The following ADARB2 variants were observed in gnomAD, a reference collection of about 807,000 sequenced individuals.
ADARB2 encodes the protein adenosine deaminase RNA specific B2 (inactive).
ADARB2 carries 25 observed loss-of-function variants against 62.2 expected under a neutral mutation model. The observed-to-expected ratio is 0.40, with a 90% confidence interval of 0.29 to 0.56. The LOEUF is 0.56. Ranked by LOEUF, ADARB2 falls within the 20% of genes least tolerant of loss-of-function variation. The pLI, the probability that ADARB2 is intolerant of heterozygous loss-of-function variation, is 0.43. For synonymous variants in ADARB2, 572 were observed against 500.8 expected (o/e 1.14, Z -1.90); for missense variants, 1,071 against 1,077.4 (o/e 0.99, Z 0.08).
intron 1 of ADARB2, among the ~76,000 whole-genome samples, chr10:1,407,459 C>T (rs984963596): frequency 3.3e-5 from 5 of 152,242 alleles, no homozygotes; most frequent in African/African-American, 1.2e-4. Context: ...GCCTTTTTCT[C>T]TGCAGGGCTA....
intron 1 of ADARB2, among the ~76,000 whole-genome samples, chr10:1,736,225 C>T (rs1426424284): frequency 6.6e-6 from 1 of 152,192 alleles, no homozygotes; most frequent in Admixed American, 6.5e-5. Context: ...CTGGCATGCA[C>T]ACAGGCTACG....
intron 1 of ADARB2, among the ~76,000 whole-genome samples, chr10:1,498,550 A>T (rs1294714398): frequency 6.6e-6 from 1 of 152,162 alleles, no homozygotes; most frequent in African/African-American, 2.4e-5. Flanking sequence ...ACAAAAAAAA[A>T]TTACTGTTTA....
chr10:1,671,289 A>G (rs923683130), intron 1 of ADARB2, among the ~76,000 whole-genome samples: 8 of 152,136 alleles, frequency 5.3e-5, no homozygotes, highest in African/African-American at 1.9e-4. Context: ...AGAACTTTCT[A>G]TTCATTACAT....
intron 1 of ADARB2, among the ~76,000 whole-genome samples, chr10:1,478,290 AG>A (rs959038596): frequency 6.6e-6 from 1 of 152,102 alleles, no homozygotes; most frequent in African/African-American, 2.4e-5. Flanking sequence ...CGGACATCAG[AG>A]GGGGTGGGTC....
chr10:1,293,202 A>AGGGAGGGAG (rs1564248767), intron 3 of ADARB2, among the ~76,000 whole-genome samples: 1 of 41,378 alleles, frequency 2.4e-5, no homozygotes, highest in African/African-American at 1.1e-4. Flanking sequence ...GAATAGAAAA[A>AGGGAGGGAG]AGAGGGAGGG....
intron 1 of ADARB2, among the ~76,000 whole-genome samples, chr10:1,636,231 A>G (rs1184222894): frequency 1.3e-5 from 2 of 152,208 alleles, no homozygotes; most frequent in Admixed American, 6.5e-5. Context: ...AAAAAGTACT[A>G]AAGAGCCAGG....
At chr10:1,696,045 T>G (rs1407191887) in intron 1 of ADARB2, among the ~76,000 whole-genome samples, 1 of 152,170 alleles carries the variant, frequency 6.6e-6, no homozygotes, top group East Asian at 1.9e-4. Flanking sequence ...CATGCACATA[T>G]ACATGCACAC....
intron 1 of ADARB2, among the ~76,000 whole-genome samples, chr10:1,550,497 C>T (rs1682894227): frequency 6.6e-6 from 1 of 152,206 alleles, no homozygotes; most frequent in African/African-American, 2.4e-5. Flanking sequence ...CACATTTTTG[C>T]AGCTAATGAC....
At chr10:1,443,324 C>T (rs566259388) in intron 1 of ADARB2, among the ~76,000 whole-genome samples, 2 of 152,266 alleles carry the variant, frequency 1.3e-5, no homozygotes, top group Non-Finnish European at 2.9e-5. Context: ...CCTTTCTTTG[C>T]CATTTATGCT....
chr10:1,510,096 T>TTTTCTTTCTCTCTCTC (rs1831906736), intron 1 of ADARB2, among the ~76,000 whole-genome samples: 1 of 124,760 alleles, frequency 8.0e-6, no homozygotes, highest in Non-Finnish European at 1.7e-5. Context: ...TCTCTCTCTC[T>TTTTCTTTCTCTCTCTC]TTTCTTTCTT....
chr10:1,189,091 A>C (rs974043400), intron 8 of ADARB2, among the ~76,000 whole-genome samples: 1 of 151,076 alleles, frequency 6.6e-6, no homozygotes, highest in Admixed American at 6.6e-5. Flanking sequence ...ACCCTCAAGG[A>C]GGTAACTCCC....
intron 1 of ADARB2, among the ~76,000 whole-genome samples, chr10:1,670,807 G>A (rs1341868933): frequency 5.3e-5 from 8 of 152,226 alleles, no homozygotes; most frequent in African/African-American, 1.7e-4. Context: ...GGCCCTGCCT[G>A]GTTCTGTAAG....
At chr10:1,683,987 C>T (rs977718541) in intron 1 of ADARB2, among the ~76,000 whole-genome samples, 17 of 152,186 alleles carry the variant, frequency 1.1e-4, no homozygotes, top group African/African-American at 2.2e-4. Flanking sequence ...GCCAAAGAGC[C>T]GGGATCCCAC....
intron 4 of ADARB2, among the ~76,000 whole-genome samples, chr10:1,248,978 T>C (rs938852678): frequency 5.9e-5 from 9 of 152,204 alleles, no homozygotes; most frequent in African/African-American, 1.9e-4. Context: ...TTGTGTGTTA[T>C]CATGGAATGC....
chr10:1,445,348 C>T (rs149193539), intron 1 of ADARB2, among the ~76,000 whole-genome samples: 8 of 151,408 alleles, frequency 5.3e-5, no homozygotes, highest in Non-Finnish European at 8.8e-5. Context: ...TTATTCATCC[C>T]TCTACATCAA....
chr10:1,420,078 C>T (rs1363827806), intron 1 of ADARB2, among the ~76,000 whole-genome samples: 1 of 152,090 alleles, frequency 6.6e-6, no homozygotes, highest in Non-Finnish European at 1.5e-5. Flanking sequence ...AATTTAAGCA[C>T]AAGAGAAAAC....
At chr10:1,629,776 C>T (rs1349753568) in intron 1 of ADARB2, among the ~76,000 whole-genome samples, 1 of 152,092 alleles carries the variant, frequency 6.6e-6, no homozygotes, top group African/African-American at 2.4e-5. Context: ...GCCTGTGACC[C>T]TTGTGTGGCC....
At chr10:1,635,434 G>A (rs898293730) in intron 1 of ADARB2, among the ~76,000 whole-genome samples, 9 of 152,280 alleles carry the variant, frequency 5.9e-5, no homozygotes, top group African/African-American at 1.9e-4. Context: ...AGACCACAGC[G>A]CTGTGCTTGC....
rs371107089 is a variant in ADARB2, at chr10:1,477,728, G to C, written c.101-98568C>G. Among the ~76,000 whole-genome samples the C allele has an allele frequency of 6.6e-6, 1 of 152,210 alleles. No homozygotes were observed. The highest frequency in any genetic ancestry group is 1.5e-5 in the Non-Finnish European group (1 of 68,032). ...TGCTTAATTTTCAGAGAATGCCTTC[G>C]TGACTATTTCCCTTAGACATAAATA... is the stretch of plus-strand genomic sequence containing the variant. On this transcript the variant is annotated intron_variant, in intron 1 of 9. Transcript: ENST00000381312. This position sits in a 1 kb window ranked among gnomAD's most constrained non-coding sequence, Gnocchi z 4.5.
Sources: allele counts gnomAD v4.1 joint callset (sites outside exome capture counted in the v4.1 genomes callset), GRCh38; gene constraint gnomAD v4.1.1; non-coding constraint Gnocchi (gnomAD v3.1); transcripts MANE v1.5; gene names NCBI Gene and HGNC (gene_info 2026-07-23, HGNC 2026-07-21).